TRPM6: variants seen among roughly 807,000 people sequenced by gnomAD.
TRPM6 encodes transient receptor potential cation channel subfamily M member 6.
A neutral mutation model predicts 247.6 loss-of-function variants in TRPM6; 111 were observed. That is an observed-to-expected ratio of 0.45 (90% CI 0.38 to 0.52). The LOEUF is 0.52. Ranked by LOEUF, TRPM6 falls within the 20% of genes least tolerant of loss-of-function variation. The pLI, the probability that TRPM6 is intolerant of heterozygous loss-of-function variation, is 0.00. For missense variants in TRPM6, 2,126 were observed against 2,421.5 expected, an observed-to-expected ratio of 0.88 and a Z score of 2.56; for synonymous variants, 892 against 853.8, an observed-to-expected ratio of 1.04 and a Z score of -0.78.
intron 11 of TRPM6, among the ~76,000 whole-genome samples, chr9:74,816,241 C>T (rs1009378164): frequency 2.0e-5 from 3 of 151,900 alleles, no homozygotes; most frequent in East Asian, 1.9e-4. Flanking sequence ...TGGTGGCATG[C>T]GCCTGTGGTC....
At chr9:74,733,454 G>A (rs559850399) in intron 36 of TRPM6, among the ~76,000 whole-genome samples, 1 of 152,106 alleles carries the variant, frequency 6.6e-6, no homozygotes, top group Non-Finnish European at 1.5e-5. Context: ...TACTGATAGT[G>A]GCATCTGTCA....
chr9:74,845,250 C>T (rs1480115642), intron 3 of TRPM6, among the ~76,000 whole-genome samples: 1 of 152,144 alleles, frequency 6.6e-6, no homozygotes, highest in African/African-American at 2.4e-5. Flanking sequence ...TCCCACAAAC[C>T]TCCACATTAT....
intron 36 of TRPM6, among the ~76,000 whole-genome samples, chr9:74,738,072 T>A (rs1825750175): frequency 6.6e-6 from 1 of 152,206 alleles, no homozygotes; most frequent in African/African-American, 2.4e-5. Context: ...AATGTTCCTA[T>A]GTGTATAAAT....
intron 24 of TRPM6, among the ~76,000 whole-genome samples, chr9:74,773,104 G>T (rs1379700074): frequency 6.6e-6 from 1 of 152,094 alleles, no homozygotes; most frequent in East Asian, 1.9e-4. Flanking sequence ...TCCAGCCTGG[G>T]CAACAGAGCG....
intron 5 of TRPM6, among the ~76,000 whole-genome samples, chr9:74,838,515 G>A (rs538281895): frequency 6.6e-6 from 1 of 152,302 alleles, no homozygotes; most frequent in Non-Finnish European, 1.5e-5. Context: ...TCAGTACAAG[G>A]TGCTAAATGC....
chr9:74,727,595 G>A (rs755383005), intron 38 of TRPM6, among the ~76,000 whole-genome samples: 14 of 152,094 alleles, frequency 9.2e-5, no homozygotes, highest in Non-Finnish European at 1.5e-4. Context: ...GGCAAGCTGA[G>A]GCACACATGA....
intron 20 of TRPM6, 93 bp downstream of exon 20, chr9:74,788,521 C>A: frequency 6.8e-7 from 1 of 1,480,352 alleles, no homozygotes; most frequent in Middle Eastern, 1.7e-4. Flanking sequence ...CTTGACATGT[C>A]CATTTTCATC....
At chr9:74,866,255 G>A (rs777925387) in intron 1 of TRPM6, among the ~76,000 whole-genome samples, 1 of 152,096 alleles carries the variant, frequency 6.6e-6, no homozygotes, top group Admixed American at 6.6e-5. Context: ...ATTTTTTTCA[G>A]TATAGCACAG....
intron 37 of TRPM6, 100 bp downstream of exon 37, chr9:74,732,585 G>T: frequency 1.1e-6 from 1 of 903,906 alleles, no homozygotes; most frequent in South Asian, 1.6e-5. Flanking sequence ...AACCTTTCTA[G>T]GATCTAGGCA....
intron 1 of TRPM6, among the ~76,000 whole-genome samples, chr9:74,860,844 CCTGTCT>C (rs1316192069): frequency 6.6e-6 from 1 of 152,036 alleles, no homozygotes; most frequent in Non-Finnish European, 1.5e-5. Context: ...ATGGTGAAAC[CCTGTCT>C]CTACAAAATA....
intron 36 of TRPM6, among the ~76,000 whole-genome samples, chr9:74,735,435 T>C (rs961517260): frequency 3.3e-5 from 5 of 152,116 alleles, no homozygotes; most frequent in South Asian, 2.1e-4. Context: ...AACTTGTACA[T>C]TGGTGGAAAG....
intron 1 of TRPM6, among the ~76,000 whole-genome samples, chr9:74,863,021 TTTTTG>T (rs528375843): frequency 2.2e-3 from 327 of 151,930 alleles, no homozygotes; most frequent in African/African-American, 7.5e-3. Flanking sequence ...AAACAAAGTT[TTTTTG>T]TTTTGTTTTG....
chr9:74,804,553 C>A (rs1028321654), intron 14 of TRPM6: 1 of 739,574 alleles, frequency 1.4e-6, no homozygotes, highest in Non-Finnish European at 2.5e-6. Flanking sequence ...AACGCGGTGA[C>A]CAAGGAGGAA....
At chr9:74,887,325 C>A in intron 1 of TRPM6, 1 of 1,388,230 alleles carries the variant, frequency 7.2e-7, no homozygotes, top group South Asian at 1.8e-5. Context: ...CGTCTGGGCA[C>A]TTCTCCAGCC....
At chr9:74,832,675 T>C (rs1829585741) in intron 6 of TRPM6, among the ~76,000 whole-genome samples, 1 of 152,188 alleles carries the variant, frequency 6.6e-6, no homozygotes, top group African/African-American at 2.4e-5. Context: ...TGGTAACTGT[T>C]GAAGCTGGAG....
rs1826278165 is a variant in TRPM6, at chr9:74,752,351, G to A, written c.4924C>T (p.His1642Tyr). ...FSHTGVEPYI[H>Y]QKMKTKEIGQ... The stretch of plus-strand genomic sequence containing the variant: ...ATTTCTTTAGTTTTCATTTTCTGAT[G>A]TATGTAAGGTTCTACACCTTGTAAA... Residue 1642 changes from histidine to tyrosine, a missense_variant, in exon 29 of 39, where the codon CAT becomes TAT. Coordinates refer to ENST00000360774, the MANE Select transcript of TRPM6 (RefSeq NM_017662.5). 2 of 1,579,830 alleles carry A rather than the reference G, an allele frequency of 1.3e-6. No individual in the cohort carries two copies. The highest frequency in any genetic ancestry group is 2.2e-5 in the East Asian group (1 of 44,618).
intron 30 of TRPM6, 78 bp from the exon 31 acceptor site, chr9:74,747,992 T>A: frequency 7.8e-7 from 1 of 1,276,890 alleles, no homozygotes; most frequent in Non-Finnish European, 1.1e-6. Context: ...AAACAGCACA[T>A]GGAACAGTAA....
intron 1 of TRPM6, among the ~76,000 whole-genome samples, chr9:74,883,606 T>C (rs1028896922): frequency 2.0e-5 from 3 of 152,216 alleles, no homozygotes; most frequent in African/African-American, 7.2e-5. Flanking sequence ...GAACATACTA[T>C]TCAAGAAGGC....
intron 9 of TRPM6, among the ~76,000 whole-genome samples, chr9:74,819,583 T>A (rs919384302): frequency 4.6e-5 from 7 of 152,248 alleles, no homozygotes; most frequent in African/African-American, 7.2e-5. Context: ...TTCCTGAGTC[T>A]ACATTATGGT....
Sources: gnomAD v4.1 joint callset for allele counts (sites outside exome capture counted in the v4.1 genomes callset) on GRCh38, gnomAD v4.1.1 for gene constraint, MANE v1.5 for transcripts, NCBI Gene and HGNC (gene_info 2026-07-23, HGNC 2026-07-21) for gene names.